ASNS: variants seen among roughly 807,000 people sequenced by gnomAD.
ASNS encodes the protein asparagine synthetase (glutamine-hydrolyzing).
ASNS carries 37 observed loss-of-function variants against 62.6 expected under a neutral mutation model. The ratio of observed to expected loss-of-function variants is 0.59; its 90% CI spans 0.45 to 0.78. The LOEUF (loss-of-function observed/expected upper bound fraction) is 0.78, where lower values mean the gene tolerates loss of function less well. Ranked by LOEUF, ASNS falls within the 30% of genes least tolerant of loss-of-function variation. The pLI, the probability that ASNS is intolerant of heterozygous loss-of-function variation, is 0.00. For missense variants in ASNS, 520 were observed against 682.4 expected, an observed-to-expected ratio of 0.76 and a Z score of 2.65; for synonymous variants, 207 against 237.9, an observed-to-expected ratio of 0.87 and a Z score of 1.19.
At chr7:97,864,564 A>T in intron 3 of ASNS, 68 bp from the exon 4 acceptor site, 2 of 1,086,276 alleles carry the variant, frequency 1.8e-6, no homozygotes, top group Non-Finnish European at 2.8e-6. Context: ...TTTTATTGCA[A>T]AGATGCTTCA....
At chr7:97,884,222 C>G in the ASNS span, among the ~76,000 whole-genome samples, 187 of 152,228 alleles carry the variant, frequency 1.2e-3, no homozygotes, top group African/African-American at 4.4e-3. Flanking sequence ...CTCGCTTGCC[C>G]TGAAGCCTTC....
At chr7:97,911,349 A>T in the ASNS span, among the ~76,000 whole-genome samples, 1 of 152,262 alleles carries the variant, frequency 6.6e-6, no homozygotes, top group Non-Finnish European at 1.5e-5. Flanking sequence ...ATAATAATAA[A>T]AAACCTTGGC....
At chr7:97,857,818 A>G (rs28576085) in intron 7 of ASNS, among the ~76,000 whole-genome samples, 121,649 of 151,620 alleles carry the variant, frequency 0.8, 49,245 homozygotes, top group East Asian at 0.91. Context: ...ACAAGGTCTC[A>G]CTCTGTCACC....
chr7:97,874,710 T>G (rs1334039568), upstream of ASNS, among the ~76,000 whole-genome samples: 1 of 152,254 alleles, frequency 6.6e-6, no homozygotes, highest in Non-Finnish European at 1.5e-5. Flanking sequence ...ACAAAAGAGT[T>G]GCTCAATAAA....
chr7:97,870,197 G>T, intron 1 of ASNS: 1 of 990,998 alleles, frequency 1.0e-6, no homozygotes, highest in South Asian at 3.1e-5. Flanking sequence ...GTTTGGCAGT[G>T]ATGACTGCCT....
At chr7:97,880,242 A>G in the ASNS span, among the ~76,000 whole-genome samples, 1 of 151,638 alleles carries the variant, frequency 6.6e-6, no homozygotes, top group Non-Finnish European at 1.5e-5. Context: ...CTCCAGCCTC[A>G]GCCTCCTGAG....
At chr7:97,919,756 C>A in the ASNS span, among the ~76,000 whole-genome samples, 7 of 152,274 alleles carry the variant, frequency 4.6e-5, no homozygotes, top group Non-Finnish European at 8.8e-5. Flanking sequence ...AACCAGGGCA[C>A]CCCATGCTTC....
At chr7:97,886,897 T>C in the ASNS span, among the ~76,000 whole-genome samples, 1 of 152,244 alleles carries the variant, frequency 6.6e-6, no homozygotes, top group African/African-American at 2.4e-5. Context: ...CGTTGGCTGA[T>C]GTTATTATGA....
chr7:97,882,652 C>T, the ASNS span, among the ~76,000 whole-genome samples: 6 of 130,600 alleles, frequency 4.6e-5, no homozygotes, highest in South Asian at 2.6e-4. Context: ...TAAATACCAC[C>T]GATATGAACA....
chr7:97,896,741 C>CACACATATATATATATATATATATAT, the ASNS span, among the ~76,000 whole-genome samples: 6 of 19,778 alleles, frequency 3.0e-4, no homozygotes, highest in Admixed American at 1.2e-3. Context: ...CACACACACA[C>CACACATATATATATATATATATATAT]ATATATATAT....
At chr7:97,894,803 CA>C in the ASNS span, among the ~76,000 whole-genome samples, 1 of 152,142 alleles carries the variant, frequency 6.6e-6, no homozygotes, top group East Asian at 1.9e-4. Flanking sequence ...TAAAGAAAAA[CA>C]AACACCAATT....
the ASNS span, among the ~76,000 whole-genome samples, chr7:97,891,492 A>T: frequency 7.9e-3 from 958 of 120,948 alleles, no homozygotes; most frequent in South Asian, 0.021. Flanking sequence ...AAAAGTCCAC[A>T]GTCCAAAGTC....
At chr7:97,885,065 T>C in the ASNS span, among the ~76,000 whole-genome samples, 4 of 152,216 alleles carry the variant, frequency 2.6e-5, no homozygotes, top group African/African-American at 9.6e-5. Context: ...TCTAATTTTG[T>C]ATTTTTAGTA....
At chr7:97,904,317 CAG>C in the ASNS span, among the ~76,000 whole-genome samples, 4,619 of 146,458 alleles carry the variant, frequency 0.032, 267 homozygotes, top group African/African-American at 0.11. Context: ...CACACACACA[CAG>C]AGAGAGAGAA....
At chr7:97,870,235 G>A in intron 1 of ASNS, 1 of 866,072 alleles carries the variant, frequency 1.2e-6, no homozygotes, top group Admixed American at 2.8e-5. Flanking sequence ...GTGCTACGAA[G>A]ATTGTACACA....
chr7:97,904,655 C>A, the ASNS span, among the ~76,000 whole-genome samples: 1 of 151,998 alleles, frequency 6.6e-6, no homozygotes, highest in Non-Finnish European at 1.5e-5. Flanking sequence ...CCCTCCCCCA[C>A]CACAGGGCAA....
chr7:97,904,855 T>C, the ASNS span, among the ~76,000 whole-genome samples: 1 of 152,366 alleles, frequency 6.6e-6, no homozygotes, highest in African/African-American at 2.4e-5. Context: ...ACATTTTCTC[T>C]GTTTTTCCAT....
At position 97,853,089 on chromosome 7, in the gene ASNS, T is replaced by G. The variant is rs760723372; in HGVS notation, c.1447A>C (p.Lys483Gln). The change falls in exon 12 of 13, where the codon AAG becomes CAG. Residue 483 changes from lysine (K) to glutamine (Q), a missense_variant. Lys to Gln is a moderately conservative substitution (Grantham distance 53). Transcript: ENST00000394308. Reference protein sequence around the residue: ...GITSVKNSWFKILQEYVEHQV... With the variant: ...GITSVKNSWFQILQEYVEHQV... ...TGTTCAACGTATTCCTGTAAAATCT[T>G]AAACCAGGAATTCTTAACTGAAGTT... is the stretch of plus-strand genomic sequence containing the variant. The G allele has an allele frequency of 2.5e-6, 4 of 1,593,838 alleles. No homozygotes were observed. The highest frequency in any genetic ancestry group is 3.4e-6 in the Non-Finnish European group (4 of 1,173,388).
At chr7:97,879,196 G>C in the ASNS span, among the ~76,000 whole-genome samples, 1 of 152,088 alleles carries the variant, frequency 6.6e-6, no homozygotes, top group Admixed American at 6.5e-5. Context: ...AAAAACCCTA[G>C]AAGAAAACCT....
Sources: allele counts gnomAD v4.1 joint callset (sites outside exome capture counted in the v4.1 genomes callset), GRCh38; gene constraint gnomAD v4.1.1; transcripts MANE v1.5; gene names NCBI Gene and HGNC (gene_info 2026-07-23, HGNC 2026-07-21).